Variants in ST7L observed in about 807,000 individuals in gnomAD.
ST7L encodes suppression of tumorigenicity 7 like, also known as suppressor of tumorigenicity 7 protein-like.
A neutral mutation model predicts 72.5 loss-of-function variants in ST7L; 57 were observed. The observed-to-expected ratio is 0.79, with a 90% CI of 0.64 to 0.98. ST7L has a LOEUF of 0.98. Ranked by LOEUF, ST7L falls within the 50% of genes least tolerant of loss-of-function variation. The pLI, the probability that ST7L is intolerant of heterozygous loss-of-function variation, is 0.00. For synonymous variants in ST7L, 221 were observed against 240.9 expected, an observed-to-expected ratio of 0.92 and a Z score of 0.77; for missense variants, 576 against 672.2, an observed-to-expected ratio of 0.86 and a Z score of 1.58.
At chr1:112,542,530 G>C (rs1400335344) in intron 13 of ST7L, among the ~76,000 whole-genome samples, 1 of 152,136 alleles carries the variant, frequency 6.6e-6, no homozygotes, top group Non-Finnish European at 1.5e-5. Flanking sequence ...GGCCAAAGAG[G>C]AGGATCGCTT....
chr1:112,617,455 T>A (rs961703964), intron 1 of ST7L, among the ~76,000 whole-genome samples: 2 of 152,168 alleles, frequency 1.3e-5, no homozygotes, highest in African/African-American at 4.8e-5. Context: ...CTCACTCCCA[T>A]AATCTCAGAG....
intron 14 of ST7L, among the ~76,000 whole-genome samples, chr1:112,535,384 C>CTAATAATAA (rs202040552): frequency 1.5e-4 from 23 of 148,532 alleles, no homozygotes; most frequent in African/African-American, 5.5e-4. Flanking sequence ...AATAATAATA[C>CTAATAATAA]TAATAATAAT....
At chr1:112,534,994 C>A (rs1654950421) in intron 14 of ST7L, among the ~76,000 whole-genome samples, 1 of 152,054 alleles carries the variant, frequency 6.6e-6, no homozygotes, top group Admixed American at 6.6e-5. Context: ...ACTTGACAGG[C>A]ACATGTTAAT....
At position 112,617,042 on chromosome 1, in the gene ST7L, A is replaced by G. The variant is rs536302459; in HGVS notation, c.206-147T>C. The G allele has an allele frequency of 6.2e-4, 335 of 536,530 alleles. 4 individuals carry two copies. Among genetic ancestry groups the G allele is most frequent in the South Asian group, 5.4e-3 (237 of 44,046 alleles). The allele number at this position is 536,530 out of a possible 1,614,324, so 33.2% of individuals were successfully genotyped here. ...CACTTGAAAAAGTTTTAATTTGTATATATATTATACATAATGGCTTATCAC... is the reference window on the plus strand; with the variant it reads ...CACTTGAAAAAGTTTTAATTTGTATGTATATTATACATAATGGCTTATCAC... On this transcript the variant is annotated intron_variant, in intron 1 of 14. Coordinates refer to ENST00000358039, the MANE Select transcript of ST7L (RefSeq NM_017744.5).
chr1:112,616,103 T>G (rs535176820), intron 2 of ST7L, among the ~76,000 whole-genome samples: 3 of 152,172 alleles, frequency 2.0e-5, no homozygotes, highest in Non-Finnish European at 4.4e-5. Flanking sequence ...CAAGTCTATA[T>G]GGCAACAATT....
At chr1:112,605,989 T>C (rs1277344123) in intron 3 of ST7L, among the ~76,000 whole-genome samples, 1 of 152,248 alleles carries the variant, frequency 6.6e-6, no homozygotes, top group Non-Finnish European at 1.5e-5. Context: ...TCTGGTCCTG[T>C]AGAATCCAAA....
intron 14 of ST7L, among the ~76,000 whole-genome samples, chr1:112,538,170 C>A (rs1364259964): frequency 6.6e-6 from 1 of 152,162 alleles, no homozygotes; most frequent in Non-Finnish European, 1.5e-5. Flanking sequence ...AGATTCTTCA[C>A]CAATTTCTAC....
chr1:112,521,945 T>G (rs1652904031), downstream of ST7L: 2 of 152,364 alleles, frequency 1.3e-5, no homozygotes, highest in African/African-American at 4.8e-5. Flanking sequence ...CCATTTGCTT[T>G]GATATTTTGA....
chr1:112,610,690 C>G, intron 3 of ST7L, 151 bp downstream of exon 3: 2 of 939,578 alleles, frequency 2.1e-6, no homozygotes, highest in Non-Finnish European at 3.1e-6. Flanking sequence ...TCCCAAAGAC[C>G]CTACCTCGTA....
At chr1:112,618,748 A>G (rs934322483) in intron 1 of ST7L, 161 bp downstream of exon 1, 1 of 1,387,880 alleles carries the variant, frequency 7.2e-7, no homozygotes, top group South Asian at 1.6e-5. Flanking sequence ...TTGTCAATCA[A>G]CTGCAAGGTT....
At chr1:112,520,248 T>G, downstream of ST7L, 1 of 1,595,128 alleles carries the variant, frequency 6.3e-7, no homozygotes, top group Non-Finnish European at 8.6e-7. Context: ...AAGAGATAAC[T>G]TTGTTCTCAC....
At chr1:112,553,004 G>A (rs1338545153) in intron 12 of ST7L, among the ~76,000 whole-genome samples, 1 of 151,626 alleles carries the variant, frequency 6.6e-6, no homozygotes, top group Non-Finnish European at 1.5e-5. Flanking sequence ...CAAGCAGAAT[G>A]TCAGGCAGTG....
intron 1 of ST7L, chr1:112,618,222 A>G: frequency 1.8e-6 from 2 of 1,130,064 alleles, no homozygotes; most frequent in Non-Finnish European, 2.2e-6. Flanking sequence ...GTATATGAGA[A>G]TCCATCAGGA....
chr1:112,543,282 G>A (rs530374045), intron 13 of ST7L, among the ~76,000 whole-genome samples: 1 of 152,342 alleles, frequency 6.6e-6, no homozygotes, highest in African/African-American at 2.4e-5. Flanking sequence ...GGGAGCAGTG[G>A]CTCACGCCTG....
At chr1:112,547,005 G>C (rs1006235444) in intron 13 of ST7L, among the ~76,000 whole-genome samples, 3 of 151,132 alleles carry the variant, frequency 2.0e-5, no homozygotes, top group African/African-American at 4.9e-5. Context: ...TGTATATATG[G>C]ATGAGATGTT....
chr1:112,549,290 G>A (rs537264126), intron 13 of ST7L, among the ~76,000 whole-genome samples: 2 of 152,206 alleles, frequency 1.3e-5, no homozygotes, highest in East Asian at 3.9e-4. Context: ...CTACTCAGGA[G>A]GCTGAGGCAC....
chr1:112,542,868 C>T (rs1050967643), intron 13 of ST7L, among the ~76,000 whole-genome samples: 3 of 151,954 alleles, frequency 2.0e-5, no homozygotes, highest in African/African-American at 7.3e-5. Flanking sequence ...GACATGATCT[C>T]GGCTCACTGC....
chr1:112,540,666 A>C, intron 14 of ST7L: 1 of 1,180,798 alleles, frequency 8.5e-7, no homozygotes, highest in South Asian at 1.7e-5. Context: ...TGCCAGAAAA[A>C]AGCCAACTAA....
intron 14 of ST7L, among the ~76,000 whole-genome samples, chr1:112,531,281 G>C (rs1398292715): frequency 6.6e-6 from 1 of 151,556 alleles, no homozygotes; most frequent in Non-Finnish European, 1.5e-5. Flanking sequence ...ATTACTCTGT[G>C]AATCTGAGGT....
Sources: allele counts gnomAD v4.1 joint callset (sites outside exome capture counted in the v4.1 genomes callset), GRCh38; gene constraint gnomAD v4.1.1; transcripts MANE v1.5; gene names NCBI Gene and HGNC (gene_info 2026-07-23, HGNC 2026-07-21).